Variants in TRIO observed in about 807,000 individuals in gnomAD.
TRIO encodes the protein trio Rho guanine nucleotide exchange factor, also known as triple functional domain protein.
In TRIO, 58 loss-of-function variants were observed where a neutral mutation model predicts 351.9. That is an observed-to-expected ratio of 0.16 (90% CI 0.13 to 0.21). TRIO has a LOEUF of 0.21. Ranked by LOEUF, TRIO falls within the 10% of genes least tolerant of loss-of-function variation. The pLI is 1.00. For missense variants in TRIO, 3,201 were observed against 4,027.8 expected (o/e 0.79, Z 5.56); for synonymous variants, 1,758 against 1,595.7 (o/e 1.10, Z -2.42).
At chr5:14,150,833 CG>C (rs1787785774) in intron 1 of TRIO, among the ~76,000 whole-genome samples, 2 of 152,038 alleles carry the variant, frequency 1.3e-5, no homozygotes, top group African/African-American at 4.8e-5. Context: ...TATAATTGCC[CG>C]GGGGTGATCT....
chr5:14,441,909 T>A (rs1306509856), intron 34 of TRIO, among the ~76,000 whole-genome samples: 1 of 152,202 alleles, frequency 6.6e-6, no homozygotes, highest in African/African-American at 2.4e-5. Flanking sequence ...AGATTCTGGC[T>A]TTATCTGCGG....
intron 1 of TRIO, among the ~76,000 whole-genome samples, chr5:14,262,821 C>T (rs1795430383): frequency 6.6e-6 from 1 of 151,996 alleles, no homozygotes; most frequent in African/African-American, 2.4e-5. Context: ...TGGGCATGAG[C>T]ATGAGGCAGG....
intron 1 of TRIO, among the ~76,000 whole-genome samples, chr5:14,202,785 A>T (rs183164584): frequency 6.6e-6 from 1 of 150,596 alleles, no homozygotes; most frequent in Admixed American, 6.6e-5. Flanking sequence ...GCAGTGAGAC[A>T]TGCCTTTCAC....
rs760155019 is a variant in TRIO at position 14,369,478 on chromosome 5, G to T, written c.3171G>T (p.Thr1057=). 6.2e-7 allele frequency: 1 copy of T among 1,614,106 alleles called. No homozygotes were observed. Among genetic ancestry groups the T allele is most frequent in the Admixed American group, 1.7e-5 (1 of 60,028 alleles). ...CAAACTCTGAGACGGACCACGTGAC[G>T]CCCATGATCAGCAAGCACCTGGAGC... ...LGPNSETDHV[T]PMISKHLEQK... is the part of the protein sequence containing the mutation. The change falls in exon 18 of 57, where the codon ACG becomes ACT. Residue 1057 remains threonine (T), a synonymous_variant. Transcript: ENST00000344204.
chr5:14,264,171 T>A (rs1393308737), intron 1 of TRIO, among the ~76,000 whole-genome samples: 2 of 152,148 alleles, frequency 1.3e-5, no homozygotes, highest in African/African-American at 4.8e-5. Context: ...ATATATATAT[T>A]TGTTTAAACT....
At chr5:14,402,254 A>T (rs928712664) in intron 31 of TRIO, among the ~76,000 whole-genome samples, 3 of 152,240 alleles carry the variant, frequency 2.0e-5, no homozygotes, top group African/African-American at 7.2e-5. Flanking sequence ...TAGATGCCAA[A>T]AGGTGCTTCC....
At chr5:14,179,021 G>T (rs1483664438) in intron 1 of TRIO, among the ~76,000 whole-genome samples, 1 of 152,192 alleles carries the variant, frequency 6.6e-6, no homozygotes, top group Non-Finnish European at 1.5e-5. Flanking sequence ...CTCAGAAGGG[G>T]GTCTTTGTAC....
At chr5:14,488,412 G>C (rs1282595085) in intron 48 of TRIO, 152 bp downstream of exon 48, 2 of 1,225,104 alleles carry the variant, frequency 1.6e-6, no homozygotes, top group Admixed American at 5.8e-5. Context: ...ACCCTCCTGC[G>C]GGCCGGCCCA....
chr5:14,171,167 A>G (rs1409363286), intron 1 of TRIO, among the ~76,000 whole-genome samples: 1 of 152,234 alleles, frequency 6.6e-6, no homozygotes, highest in East Asian at 1.9e-4. Flanking sequence ...GCCCAAGAAA[A>G]TAAGTAAATC....
At chr5:14,359,778 G>C (rs576491995) in intron 13 of TRIO, among the ~76,000 whole-genome samples, 1 of 152,224 alleles carries the variant, frequency 6.6e-6, no homozygotes, top group Admixed American at 6.5e-5. Context: ...GGCAGCTCGC[G>C]TGGCAGGAGC....
chr5:14,143,943 C>A, intron 1 of TRIO, 61 bp downstream of exon 1: 1 of 1,023,098 alleles, frequency 9.8e-7, no homozygotes, highest in South Asian at 4.5e-5. Context: ...GCCGACCCGC[C>A]GCGGAGCTGC....
At chr5:14,190,811 A>G (rs28030) in intron 1 of TRIO, among the ~76,000 whole-genome samples, 66,132 of 152,044 alleles carry the variant, frequency 0.43, 16,730 homozygotes, top group Non-Finnish European at 0.56. Flanking sequence ...TGATCACCTC[A>G]GAAGTATCTC....
chr5:14,411,057 C>G (rs539172560), intron 33 of TRIO, among the ~76,000 whole-genome samples: 1 of 152,188 alleles, frequency 6.6e-6, no homozygotes, highest in Non-Finnish European at 1.5e-5. Context: ...GAGTGCATCT[C>G]CCTGCGGTAG....
chr5:14,298,082 A>G (rs1737521545), intron 7 of TRIO, among the ~76,000 whole-genome samples: 1 of 152,112 alleles, frequency 6.6e-6, no homozygotes, highest in Non-Finnish European at 1.5e-5. Context: ...GAGGGAGGAA[A>G]ATGGCTTTTT....
At position 14,316,424 on chromosome 5, in the gene TRIO, GCA is replaced by G. The variant is rs1739386377; in HGVS notation, c.1501-82_1501-81del. 2.3e-6 allele frequency: 3 copies of G among 1,332,256 alleles called. No individual in the cohort carries two copies. In the African/African-American group the frequency reaches 4.3e-5, roughly 19 times the overall value. 82.5% of individuals were successfully genotyped at this position (1,332,256 alleles called of 1,614,324 possible). ...TACATGTACGTGTGTGCCTGTATGT[GCA>G]CACACATGTATCCAAGGACAGCATC... On this transcript the variant is annotated intron_variant, in intron 8 of 56. Transcript: ENST00000344204.
In TRIO at chr5:14,508,423, C is replaced by T. The variant is rs1388753453; in HGVS notation, c.*1C>T. On this transcript the variant is annotated 3_prime_UTR_variant, in exon 57 of 57. Coordinates refer to ENST00000344204, the MANE Select transcript of TRIO (RefSeq NM_007118.4). ...GAGCAGGCTTCTGCCTAGAGTTTGA[C>T]CTATCCAGAAGTTCTTTCTCATTCT... The T allele has an allele frequency of 1.9e-6, 3 of 1,599,492 alleles. No individual in the cohort carries two copies. The highest frequency in any genetic ancestry group is 2.6e-6 in the Non-Finnish European group (3 of 1,171,518).
chr5:14,501,052 C>G (rs956754074), intron 53 of TRIO, among the ~76,000 whole-genome samples: 5 of 147,578 alleles, frequency 3.4e-5, no homozygotes, highest in Admixed American at 6.8e-5. Context: ...ATGTAATGCT[C>G]GAATAAAAAT....
At chr5:14,167,029 G>A (rs1376274276) in intron 1 of TRIO, among the ~76,000 whole-genome samples, 2 of 151,908 alleles carry the variant, frequency 1.3e-5, no homozygotes, top group Non-Finnish European at 2.9e-5. Flanking sequence ...CAATTCCTCA[G>A]TCTCTAGATT....
chr5:14,225,258 A>G (rs1159865171), intron 1 of TRIO, among the ~76,000 whole-genome samples: 8 of 152,222 alleles, frequency 5.3e-5, no homozygotes, highest in Non-Finnish European at 1.2e-4. Context: ...TCTGAGAAAA[A>G]AAGTAAAAAG....
Sources: allele counts gnomAD v4.1 joint callset (sites outside exome capture counted in the v4.1 genomes callset), GRCh38; gene constraint gnomAD v4.1.1; transcripts MANE v1.5; gene names NCBI Gene and HGNC (gene_info 2026-07-23, HGNC 2026-07-21).